Variants in SOAT1 observed in about 807,000 individuals in gnomAD.
SOAT1 encodes the protein sterol O-acyltransferase 1, also known as acyl-coenzyme A:cholesterol acyltransferase 1.
SOAT1 carries 55 observed loss-of-function variants against 69.5 expected under a neutral mutation model. That is an observed-to-expected ratio of 0.79 (90% confidence interval 0.64 to 0.99). The LOEUF (loss-of-function observed/expected upper bound fraction) is 0.99, where lower values mean the gene tolerates loss of function less well. SOAT1 is among the 50% of genes least tolerant of loss of function. The pLI is 0.00. For synonymous variants in SOAT1, 231 were observed against 224.7 expected (o/e 1.03, Z -0.25); for missense variants, 580 against 669.3 (o/e 0.87, Z 1.47).
At position 179,354,122 on chromosome 1, in the gene SOAT1, A is replaced by G. The variant is rs569384308; in HGVS notation, c.*481A>G. ...GCAATTGGGGAAGAAAAAATGTAGA[A>G]TGATTTTTGCTATTTCTAGTAGAAA... On this transcript the variant is annotated 3_prime_UTR_variant, in exon 16 of 16. Transcript: ENST00000367619. 2 of 153,046 alleles carry G rather than the reference A, an allele frequency of 1.3e-5. No individual in the cohort carries two copies. The highest frequency in any genetic ancestry group is 4.1e-4 in the South Asian group (2 of 4,838). The allele number at this position is 153,046 out of a possible 1,614,324, so 9.5% of individuals were successfully genotyped here. A position where few individuals can be genotyped will look rare whatever the true frequency, so the allele number is the denominator to read the frequency against.
intron 2 of SOAT1, among the ~76,000 whole-genome samples, chr1:179,315,414 T>A (rs1665358173): frequency 6.6e-6 from 1 of 151,778 alleles, no homozygotes; most frequent in African/African-American, 2.4e-5. Context: ...CAGTGAGCTA[T>A]GATCATGCCA....
intron 1 of SOAT1, among the ~76,000 whole-genome samples, chr1:179,299,620 A>T (rs936931266): frequency 6.6e-6 from 1 of 152,154 alleles, no homozygotes; most frequent in Non-Finnish European, 1.5e-5. Context: ...TGTAAAACAC[A>T]TAAGCACTAA....
intron 2 of SOAT1, among the ~76,000 whole-genome samples, chr1:179,317,908 T>C (rs1665452722): frequency 6.6e-6 from 1 of 152,106 alleles, no homozygotes; most frequent in Non-Finnish European, 1.5e-5. Context: ...TACCCTGGGC[T>C]AAGCATGGTG....
At position 179,323,478 on chromosome 1, in the gene SOAT1, T is replaced by C. The variant is rs747985461; in HGVS notation, c.160T>C (p.Leu54=). The part of the protein sequence containing the change: ...IKQLIAKKIK[L]TAEAEELKPF... ...ACAGTTGATAGCAAAGAAGATAAAGTTGACAGCAGAGGCAGAGGCAAGTAA... is the reference window on the plus strand; with the variant it reads ...ACAGTTGATAGCAAAGAAGATAAAGCTGACAGCAGAGGCAGAGGCAAGTAA... The change falls in exon 3 of 16, where the codon TTG becomes CTG. Residue 54 remains leucine (L), a synonymous_variant. Coordinates refer to ENST00000367619, the MANE Select transcript of SOAT1 (RefSeq NM_003101.6). The C allele has an allele frequency of 5.6e-6, 9 of 1,613,828 alleles. No individual in the cohort carries two copies. Among genetic ancestry groups the C allele is most frequent in the Non-Finnish European group, 6.8e-6 (8 of 1,179,902 alleles).
chr1:179,311,207 G>A (rs4651022), intron 2 of SOAT1, among the ~76,000 whole-genome samples: 75,418 of 151,908 alleles, frequency 0.5, 19,712 homozygotes, highest in East Asian at 0.85. Flanking sequence ...CTTTACAAAA[G>A]TAAAAAAAGT....
chr1:179,332,514 G>A (rs371380151), intron 3 of SOAT1, among the ~76,000 whole-genome samples: 3 of 152,104 alleles, frequency 2.0e-5, no homozygotes, highest in African/African-American at 4.8e-5. Context: ...ACCTAAAAAA[G>A]CACCTTTTTT....
At chr1:179,346,535 A>C (rs1666540178) in intron 11 of SOAT1, among the ~76,000 whole-genome samples, 1 of 152,240 alleles carries the variant, frequency 6.6e-6, no homozygotes, top group South Asian at 2.1e-4. Flanking sequence ...ATGCAAGGGC[A>C]TGGAGCATTC....
chr1:179,300,253 T>A (rs1017677446), intron 1 of SOAT1, among the ~76,000 whole-genome samples: 3 of 152,168 alleles, frequency 2.0e-5, no homozygotes, highest in Non-Finnish European at 2.9e-5. Context: ...TCTTTCTTTT[T>A]CTTCCCTGAT....
chr1:179,333,409 AAC>A (rs1491350027), intron 3 of SOAT1, among the ~76,000 whole-genome samples: 1 of 151,568 alleles, frequency 6.6e-6, no homozygotes, highest in African/African-American at 2.4e-5. Flanking sequence ...AAAAAAAAAA[AAC>A]AAAGTCTTGG....
In SOAT1 at chr1:179,356,854, GT is replaced by G. The variant is rs372630515; in HGVS notation, c.*3226del. ...ACCACCACACCCAGCTAATTTATTTGTTTTTTTTTTTTTAGAGATGGGGGGG... is the reference window on the plus strand; with the variant it reads ...ACCACCACACCCAGCTAATTTATTTGTTTTTTTTTTTTAGAGATGGGGGGG... On this transcript the variant is annotated 3_prime_UTR_variant, in exon 16 of 16. Coordinates refer to ENST00000367619, the MANE Select transcript of SOAT1 (RefSeq NM_003101.6). 64 of 138,882 alleles carry G rather than the reference GT, an allele frequency of 4.6e-4. No individual in the cohort carries two copies. The highest frequency in any genetic ancestry group is 5.0e-4 in the Admixed American group (7 of 13,918). 8.6% of individuals were successfully genotyped at this position (138,882 alleles called of 1,614,324 possible).
intron 2 of SOAT1, among the ~76,000 whole-genome samples, chr1:179,307,477 C>A (rs1215835796): frequency 6.6e-6 from 1 of 152,034 alleles, no homozygotes. Context: ...TATGTGGTGG[C>A]TTGCATCTAT....
chr1:179,353,418 C>G (rs772401749), intron 15 of SOAT1, among the ~76,000 whole-genome samples, 167 bp from the exon 16 acceptor site: 1 of 150,828 alleles, frequency 6.6e-6, no homozygotes, highest in Non-Finnish European at 1.5e-5. Context: ...GATAAAAGTA[C>G]TGAACATCTT....
chr1:179,352,988 T>G (rs1666784978), intron 15 of SOAT1, among the ~76,000 whole-genome samples: 2 of 150,774 alleles, frequency 1.3e-5, no homozygotes, highest in Non-Finnish European at 2.9e-5. Context: ...TTCCTATTTC[T>G]GAACTTTTGT....
rs1190625174 is a variant in SOAT1, at chr1:179,358,250, C to G, written c.*4609C>G. 2.0e-5 allele frequency: 3 copies of G among 152,152 alleles called. No homozygotes were observed. The highest frequency in any genetic ancestry group is 4.4e-5 in the Non-Finnish European group (3 of 68,026). The allele number at this position is 152,152 out of a possible 1,614,324, so 9.4% of individuals were successfully genotyped here. On this transcript the variant is annotated 3_prime_UTR_variant, in exon 16 of 16. Coordinates refer to ENST00000367619, the MANE Select transcript of SOAT1 (RefSeq NM_003101.6). ...GCATATTATTAAAGTTTAAAAAACT[C>G]TAAAACTTCTGTACTGTTTTTTTCT...
chr1:179,335,643 C>T lies in SOAT1; in HGVS notation c.315C>T (p.Asn105=), dbSNP rs1375145662. The change falls in exon 4 of 16, where the codon AAC becomes AAT. Residue 105 remains asparagine (N), a synonymous_variant. Transcript: ENST00000367619. ...TTFSVLEGEK[N]NHRAKDLRAP... ...TTTCTGTTCTTGAAGGAGAGAAAAA[C>T]AACCATAGAGCGAAGTAAGTATGTG... is the stretch of plus-strand genomic sequence containing the variant. 1.2e-6 allele frequency: 2 copies of T among 1,612,974 alleles called. No individual in the cohort carries two copies. The highest frequency in any genetic ancestry group is 1.7e-6 in the Non-Finnish European group (2 of 1,179,500).
At chr1:179,314,879 C>T (rs529767038) in intron 2 of SOAT1, among the ~76,000 whole-genome samples, 1 of 152,182 alleles carries the variant, frequency 6.6e-6, no homozygotes, top group Non-Finnish European at 1.5e-5. Flanking sequence ...AGCATTTATT[C>T]ATGAAGATAA....
intron 2 of SOAT1, among the ~76,000 whole-genome samples, chr1:179,303,887 G>C (rs1384672108): frequency 2.0e-5 from 3 of 152,148 alleles, no homozygotes; most frequent in African/African-American, 7.2e-5. Flanking sequence ...ATGCTTGTTT[G>C]TTCCTTCCAG....
chr1:179,329,512 G>A (rs1198225988), intron 3 of SOAT1, among the ~76,000 whole-genome samples: 2 of 152,038 alleles, frequency 1.3e-5, no homozygotes, highest in African/African-American at 4.8e-5. Context: ...GATCACATGA[G>A]TTCGAGACCA....
chr1:179,341,011 G>A lies in SOAT1; in HGVS notation c.498-17G>A, dbSNP rs1019885293. On this transcript the variant is annotated splice_polypyrimidine_tract_variant and intron_variant, in intron 6 of 15. Coordinates refer to ENST00000367619, the MANE Select transcript of SOAT1 (RefSeq NM_003101.6). The stretch of plus-strand genomic sequence containing the variant: ...AAATTCACCTCTATGTTCTTTTTCT[G>A]TACCTTTTCTCCCCAGGCTGGTGCT... The A allele has an allele frequency of 6.2e-7, 1 of 1,609,276 alleles. No homozygotes were observed. Among genetic ancestry groups the A allele is most frequent in the Non-Finnish European group, 8.5e-7 (1 of 1,177,864 alleles).
Sources: gnomAD v4.1 joint callset for allele counts (sites outside exome capture counted in the v4.1 genomes callset) on GRCh38, gnomAD v4.1.1 for gene constraint, MANE v1.5 for transcripts, NCBI Gene and HGNC (gene_info 2026-07-23, HGNC 2026-07-21) for gene names.